The following TPX2 variants were observed in gnomAD, a reference collection of about 807,000 sequenced individuals.
TPX2 encodes the protein targeting protein for Xklp2.
TPX2 carries 21 observed loss-of-function variants against 93.6 expected under a neutral mutation model. That is an observed-to-expected ratio of 0.22 (90% CI 0.16 to 0.32). The LOEUF is 0.32. Ranked by LOEUF, TPX2 falls within the 10% of genes least tolerant of loss-of-function variation. The probability of loss-of-function intolerance (pLI) is 1.00; values close to 1 mark genes in which losing one functional copy is unlikely to be tolerated. For missense variants in TPX2, 776 were observed against 871.1 expected, an observed-to-expected ratio of 0.89 and a Z score of 1.37; for synonymous variants, 281 against 298.3, an observed-to-expected ratio of 0.94 and a Z score of 0.60.
intron 10 of TPX2, 121 bp from the exon 11 acceptor site, chr20:31,782,128 T>G: frequency 7.7e-7 from 1 of 1,298,620 alleles, no homozygotes; most frequent in Non-Finnish European, 1.0e-6. Context: ...CTGAGCTGAC[T>G]GTTGTGGGCC....
At chr20:31,785,196 T>C (rs2062057878) in intron 12 of TPX2, among the ~76,000 whole-genome samples, 1 of 152,214 alleles carries the variant, frequency 6.6e-6, no homozygotes, top group African/African-American at 2.4e-5. Context: ...CGATGCTTTT[T>C]TTTCCCTGCC....
chr20:31,780,305 A>G (rs1472057082), intron 10 of TPX2, among the ~76,000 whole-genome samples: 3 of 151,750 alleles, frequency 2.0e-5, no homozygotes, highest in Admixed American at 2.0e-4. Context: ...GCCCGCCTCA[A>G]CCTCCCAAAG....
intron 12 of TPX2, among the ~76,000 whole-genome samples, chr20:31,788,226 GC>G (rs1282242427): frequency 6.6e-6 from 1 of 152,002 alleles, no homozygotes; most frequent in Non-Finnish European, 1.5e-5. Flanking sequence ...AGACCAGCCT[GC>G]CCAACATGGT....
chr20:31,754,262 G>C (rs897554753), intron 2 of TPX2, among the ~76,000 whole-genome samples: 4 of 151,992 alleles, frequency 2.6e-5, no homozygotes, highest in African/African-American at 9.7e-5. Flanking sequence ...TGTATTTTCA[G>C]TAGAGATGGA....
chr20:31,797,391 T>C lies in TPX2; in HGVS notation c.1834-13T>C. ...TGAGACATTGCTCATCTGACTGACTTTCTCTCTAATAGCTGGAAGAAGAAC... is the reference window on the plus strand; with the variant it reads ...TGAGACATTGCTCATCTGACTGACTCTCTCTCTAATAGCTGGAAGAAGAAC... On this transcript the variant is annotated splice_polypyrimidine_tract_variant and intron_variant, in intron 15 of 17. Transcript: ENST00000300403. 1 of 1,613,794 alleles carries C rather than the reference T, an allele frequency of 6.2e-7. No individual in the cohort carries two copies. The highest frequency in any genetic ancestry group is 8.5e-7 in the Non-Finnish European group (1 of 1,179,772).
chr20:31,786,132 T>C (rs929691892), intron 12 of TPX2, among the ~76,000 whole-genome samples: 6 of 152,302 alleles, frequency 3.9e-5, no homozygotes, highest in Non-Finnish European at 7.4e-5. Flanking sequence ...CCCTATGAGG[T>C]AAGCACTGTA....
intron 12 of TPX2, 134 bp downstream of exon 12, chr20:31,784,055 C>T (rs957986239): frequency 8.1e-5 from 78 of 967,976 alleles, no homozygotes; most frequent in Non-Finnish European, 1.1e-4. Flanking sequence ...AGAGACTTAT[C>T]GGAAGTGGAT....
intron 16 of TPX2, 85 bp from the exon 17 acceptor site, chr20:31,798,280 G>A (rs2062150214): frequency 7.8e-6 from 12 of 1,534,598 alleles, no homozygotes; most frequent in African/African-American, 1.4e-5. Flanking sequence ...TAGTGTGCAT[G>A]TCTGTGCCAC....
At chr20:31,755,177 T>C (rs934848804) in intron 2 of TPX2, among the ~76,000 whole-genome samples, 2 of 152,118 alleles carry the variant, frequency 1.3e-5, no homozygotes, top group African/African-American at 4.8e-5. Context: ...TTTGATCTCC[T>C]GACCTCGTGA....
At chr20:31,773,130 CCA>C (rs1037787693) in intron 7 of TPX2, among the ~76,000 whole-genome samples, 16 of 150,480 alleles carry the variant, frequency 1.1e-4, no homozygotes, top group African/African-American at 3.9e-4. Context: ...GCATGCATCA[CCA>C]CACCCGGCTA....
intron 14 of TPX2, 146 bp downstream of exon 14, chr20:31,794,170 T>G (rs1460890805): frequency 9.1e-7 from 1 of 1,095,376 alleles, no homozygotes; most frequent in East Asian, 2.6e-5. Context: ...GACAAGTAAT[T>G]TAAATAATCC....
chr20:31,759,064 T>G (rs1402289839), intron 3 of TPX2, among the ~76,000 whole-genome samples: 2 of 152,196 alleles, frequency 1.3e-5, no homozygotes, highest in Non-Finnish European at 1.5e-5. Context: ...ACCTCAGTTT[T>G]AATATATTAC....
chr20:31,789,121 G>A (rs1366343483), intron 12 of TPX2, among the ~76,000 whole-genome samples: 2 of 152,132 alleles, frequency 1.3e-5, no homozygotes, highest in African/African-American at 4.8e-5. Flanking sequence ...CATTGAGGGA[G>A]CATCCCTCTA....
rs1027351420 is a variant in TPX2 at position 31,782,176 on chromosome 20, A to G, written c.1055-73A>G. On this transcript the variant is annotated intron_variant, in intron 10 of 17. Coordinates refer to ENST00000300403, the MANE Select transcript of TPX2 (RefSeq NM_012112.5). ...GTTGGTTTATCCCTCTCTGGGCTAC[A>G]TAGGTGAATCACCACTTACAAGTAA... is the stretch of plus-strand genomic sequence containing the variant. The G allele has an allele frequency of 1.3e-5, 20 of 1,538,330 alleles. No homozygotes were observed. In the Admixed American group the frequency reaches 3.1e-4, roughly 24 times the overall value.
chr20:31,780,307 C>T (rs1283485184), intron 10 of TPX2, among the ~76,000 whole-genome samples: 1 of 152,268 alleles, frequency 6.6e-6, no homozygotes, highest in South Asian at 2.1e-4. Context: ...CCGCCTCAAC[C>T]TCCCAAAGTG....
intron 4 of TPX2, 73 bp downstream of exon 4, chr20:31,760,252 GA>G (rs1232084092): frequency 6.4e-7 from 1 of 1,567,170 alleles, no homozygotes; most frequent in African/African-American, 1.4e-5. Context: ...GAGGTTCTGG[GA>G]AAATTACCTA....
chr20:31,758,398 G>C (rs549123239), intron 3 of TPX2, among the ~76,000 whole-genome samples: 2 of 152,160 alleles, frequency 1.3e-5, no homozygotes, highest in Non-Finnish European at 2.9e-5. Flanking sequence ...GGGATTACAG[G>C]CGTGAGCCAC....
chr20:31,754,133 T>G (rs1439013560), intron 2 of TPX2, among the ~76,000 whole-genome samples: 1 of 152,066 alleles, frequency 6.6e-6, no homozygotes, highest in Non-Finnish European at 1.5e-5. Flanking sequence ...AGAGTCTCGC[T>G]CTGTCTCCCA....
intron 12 of TPX2, among the ~76,000 whole-genome samples, chr20:31,792,156 A>AG (rs1362440710): frequency 6.6e-6 from 1 of 152,164 alleles, no homozygotes; most frequent in African/African-American, 2.4e-5. Flanking sequence ...TGGGAGGCCA[A>AG]GGCAGGAGAT....
Sources: allele counts gnomAD v4.1 joint callset (sites outside exome capture counted in the v4.1 genomes callset), GRCh38; gene constraint gnomAD v4.1.1; transcripts MANE v1.5; gene names NCBI Gene and HGNC (gene_info 2026-07-23, HGNC 2026-07-21).